Variants in PTPRD observed in about 807,000 individuals in gnomAD.
PTPRD encodes the protein receptor-type tyrosine-protein phosphatase delta.
In PTPRD, 34 loss-of-function variants were observed where a neutral mutation model predicts 214.5. The observed-to-expected ratio is 0.16, with a 90% CI of 0.12 to 0.21. The LOEUF (loss-of-function observed/expected upper bound fraction) is 0.21. PTPRD is among the 10% of genes least tolerant of loss of function. The pLI, the probability that PTPRD is intolerant of heterozygous loss-of-function variation, is 1.00. For synonymous variants in PTPRD, 1,128 were observed against 845.7 expected (o/e 1.33, Z -5.79); for missense variants, 2,545 against 2,398.7 (o/e 1.06, Z -1.27).
chr9:9,878,643 T>A (rs2067637893), intron 5 of PTPRD, among the ~76,000 whole-genome samples: 1 of 152,186 alleles, frequency 6.6e-6, no homozygotes, highest in African/African-American at 2.4e-5. Context: ...ATAGAACTCT[T>A]GGATTGTTTC....
Position 10,401,346 on chromosome 9 carries a change from G to C in PTPRD, c.-599-60329C>G, listed in dbSNP as rs144462926. ...AATTTACTTGAAGTGATCTCTAGATGACAAGTCTATCAAGTGGACATTAGC... is the reference window on the plus strand; with the variant it reads ...AATTTACTTGAAGTGATCTCTAGATCACAAGTCTATCAAGTGGACATTAGC... On this transcript the variant is annotated intron_variant, in intron 2 of 45. Coordinates refer to ENST00000381196, the MANE Select transcript of PTPRD (RefSeq NM_002839.4). Among the ~76,000 whole-genome samples, 1,000 of 151,522 alleles carry C rather than the reference G, an allele frequency of 6.6e-3. 1 individual carries two copies. The highest frequency in any genetic ancestry group is 9.3e-3 in the Non-Finnish European group (627 of 67,688).
At chr9:9,852,164 A>G (rs1168378531) in intron 5 of PTPRD, among the ~76,000 whole-genome samples, 1 of 152,182 alleles carries the variant, frequency 6.6e-6, no homozygotes, top group Admixed American at 6.5e-5. Flanking sequence ...TCTAATTAAA[A>G]AAAAAATTTG....
intron 5 of PTPRD, among the ~76,000 whole-genome samples, chr9:9,897,414 A>C (rs1027597452): frequency 6.6e-5 from 10 of 152,224 alleles, no homozygotes; most frequent in Non-Finnish European, 1.2e-4. Context: ...TAAGTAAAAA[A>C]TACATATTTG....
chr9:9,910,075 A>T (rs192409030), intron 5 of PTPRD, among the ~76,000 whole-genome samples: 1 of 151,914 alleles, frequency 6.6e-6, no homozygotes, highest in Non-Finnish European at 1.5e-5. Context: ...ACTGCTTACT[A>T]CTTTCTTGAC....
At chr9:9,387,487 T>C (rs4742590) in intron 9 of PTPRD, among the ~76,000 whole-genome samples, 37,084 of 152,050 alleles carry the variant, frequency 0.24, 5,044 homozygotes, top group East Asian at 0.36. Context: ...AAAATGTTTT[T>C]ATTTCAACCT....
chr9:10,153,717 T>C (rs926920208), intron 3 of PTPRD, among the ~76,000 whole-genome samples: 6 of 152,056 alleles, frequency 3.9e-5, no homozygotes, highest in Admixed American at 3.3e-4. Flanking sequence ...GAGGTAACAG[T>C]GTCTTTTGTT....
chr9:9,294,811 A>G (rs749927886), intron 9 of PTPRD, among the ~76,000 whole-genome samples: 4 of 151,670 alleles, frequency 2.6e-5, no homozygotes, highest in Non-Finnish European at 5.9e-5. Flanking sequence ...GCAAACTAAT[A>G]TACTCCATGT....
In PTPRD at chr9:8,500,971, T is replaced by G. The variant is rs1455859678; in HGVS notation, c.1911A>C (p.Lys637Asn). ...AGTATTCAGTGATAATGCCATTCTG[T>G]TTTTCCACTGGTGGAGGTTGCCAAC... ...LVSWQPPPVEKQNGIITEYSI... is the reference protein window; with the variant it reads ...LVSWQPPPVENQNGIITEYSI... The change falls in exon 24 of 46, where the codon AAA becomes AAC. Residue 637 changes from lysine (K) to asparagine (N), a missense_variant. Transcript: ENST00000381196. 1 of 1,614,022 alleles carries G rather than the reference T, an allele frequency of 6.2e-7. No homozygotes were observed.
intron 7 of PTPRD, among the ~76,000 whole-genome samples, chr9:9,614,086 G>A (rs1007307777): frequency 6.6e-6 from 1 of 151,660 alleles, no homozygotes; most frequent in Non-Finnish European, 1.5e-5. Context: ...ATAATCAATT[G>A]TTGCTAAAAA....
rs1003882335 is a variant in PTPRD at position 10,561,931 on chromosome 9, A to G, written c.-600+50467T>C. 2.6e-5 allele frequency among the ~76,000 whole-genome samples: 4 copies of G among 152,168 alleles called. No homozygotes were observed. In the East Asian group the frequency reaches 7.7e-4, roughly 29 times the overall value. ...TATGTATTTTATGTTTCAGAGGTCA[A>G]TTAATGCCACAGAATGCCTTTAATT... On this transcript the variant is annotated intron_variant, in intron 2 of 45. Transcript: ENST00000381196.
intron 3 of PTPRD, among the ~76,000 whole-genome samples, chr9:10,044,263 G>T (rs530569014): frequency 6.6e-6 from 1 of 151,812 alleles, no homozygotes; most frequent in South Asian, 2.1e-4. Context: ...CTTTCTGATT[G>T]AATAATACAG....
chr9:10,082,964 A>G (rs1405638619), intron 3 of PTPRD, among the ~76,000 whole-genome samples: 1 of 152,032 alleles, frequency 6.6e-6, no homozygotes, highest in East Asian at 1.9e-4. Context: ...ACTTTAAGAA[A>G]ACAACAGCCA....
intron 5 of PTPRD, among the ~76,000 whole-genome samples, chr9:9,893,590 T>G (rs181126166): frequency 1.3e-5 from 2 of 152,292 alleles, no homozygotes; most frequent in East Asian, 3.9e-4. Context: ...TAGCTAGTAT[T>G]GAATAACCAA....
At chr9:9,905,856 T>G (rs962686349) in intron 5 of PTPRD, among the ~76,000 whole-genome samples, 9 of 151,946 alleles carry the variant, frequency 5.9e-5, no homozygotes, top group African/African-American at 2.2e-4. Flanking sequence ...GGGCCTAAGG[T>G]ATAAGTGCAA....
intron 8 of PTPRD, among the ~76,000 whole-genome samples, chr9:9,545,113 T>G (rs534637609): frequency 7.5e-4 from 114 of 151,846 alleles, no homozygotes; most frequent in African/African-American, 2.6e-3. Context: ...AATAGTACAC[T>G]TGTTAAAATT....
intron 3 of PTPRD, among the ~76,000 whole-genome samples, chr9:10,229,397 G>A (rs1029683955): frequency 9.2e-5 from 14 of 151,972 alleles, no homozygotes; most frequent in Non-Finnish European, 2.1e-4. Context: ...AAAGACACAT[G>A]CACACGTATG....
intron 4 of PTPRD, among the ~76,000 whole-genome samples, chr9:10,025,938 G>C (rs1408691097): frequency 6.6e-6 from 1 of 152,180 alleles, no homozygotes; most frequent in Non-Finnish European, 1.5e-5. Flanking sequence ...GACCAGGCAG[G>C]CATGAACAGA....
At chr9:9,192,366 G>A (rs947524295) in intron 9 of PTPRD, among the ~76,000 whole-genome samples, 3 of 152,058 alleles carry the variant, frequency 2.0e-5, no homozygotes, top group Non-Finnish European at 2.9e-5. Context: ...AGCCCCAAGC[G>A]AGGGACCTGC....
chr9:9,252,259 T>A (rs939910470), intron 9 of PTPRD, among the ~76,000 whole-genome samples: 4 of 152,056 alleles, frequency 2.6e-5, no homozygotes, highest in Admixed American at 2.6e-4. Context: ...TGTACATTTA[T>A]AAGGAAATCT....
Sources: allele counts gnomAD v4.1 joint callset (sites outside exome capture counted in the v4.1 genomes callset), GRCh38; gene constraint gnomAD v4.1.1; transcripts MANE v1.5; gene names NCBI Gene and HGNC (gene_info 2026-07-23, HGNC 2026-07-21).